NF1: variants seen among roughly 807,000 people sequenced by gnomAD.
NF1 encodes the protein neurofibromin.
In NF1, 122 loss-of-function variants were observed where a neutral mutation model predicts 325.7. That is an observed-to-expected ratio of 0.37 (90% CI 0.32 to 0.44). NF1 has a LOEUF of 0.44. Ranked by LOEUF, NF1 falls within the 20% of genes least tolerant of loss-of-function variation. The probability of loss-of-function intolerance (pLI) is 1.00; values close to 1 mark genes in which losing one functional copy is unlikely to be tolerated. For synonymous variants in NF1, 1,091 were observed against 1,186.0 expected, an observed-to-expected ratio of 0.92 and a Z score of 1.65; for missense variants, 2,140 against 3,415.4, an observed-to-expected ratio of 0.63 and a Z score of 9.31.
rs776079267 is a variant in NF1, at chr17:31,230,915, T to C, written c.3187T>C (p.Cys1063Arg). The C allele has an allele frequency of 1.2e-6, 2 of 1,609,916 alleles. No homozygotes were observed. The highest frequency in any genetic ancestry group is 4.5e-5 in the East Asian group (2 of 44,720). ...SNQAADDDVK[C>R]LTRDLDQASM... The stretch of plus-strand genomic sequence containing the variant: ...CCAAGCAGCAGATGATGATGTAAAA[T>C]GTCTTACAAGGTAAAAAAAGAATGA... Residue 1063 changes from cysteine (C) to arginine (R), a missense_variant, in exon 24 of 58, where the codon TGT becomes CGT. Coordinates refer to ENST00000358273, the MANE Select transcript of NF1 (RefSeq NM_001042492.3).
chr17:31,095,548 T>G (rs1598174396), intron 1 of NF1, 179 bp downstream of exon 1: 8 of 439,386 alleles, frequency 1.8e-5, no homozygotes, highest in Non-Finnish European at 3.3e-5. Context: ...AGGTGAGGGG[T>G]AGGAGGGGAC....
At chr17:31,341,617 G>GTGTGTA (rs35130430) in intron 47 of NF1, among the ~76,000 whole-genome samples, 18,505 of 148,160 alleles carry the variant, frequency 0.12, 1,261 homozygotes, top group African/African-American at 0.16. Flanking sequence ...GTGTGTGTGT[G>GTGTGTA]TGTACACACA....
chr17:31,162,515 C>T (rs2065780668), intron 3 of NF1, among the ~76,000 whole-genome samples: 1 of 152,068 alleles, frequency 6.6e-6, no homozygotes, highest in Non-Finnish European at 1.5e-5. Flanking sequence ...AATAAAAATG[C>T]CTATGAAAGA....
chr17:31,137,842 A>T (rs893715635), intron 1 of NF1: 1 of 151,950 alleles, frequency 6.6e-6, no homozygotes, highest in African/African-American at 2.4e-5. Flanking sequence ...ATATGAAATA[A>T]TTTTTTTTCT....
intron 36 of NF1, among the ~76,000 whole-genome samples, chr17:31,301,099 T>C (rs1409041343): frequency 6.6e-6 from 1 of 152,034 alleles, no homozygotes; most frequent in African/African-American, 2.4e-5. Context: ...ATTTGTCTTT[T>C]GGCTTTATTA....
chr17:31,135,512 G>A (rs907648981), intron 1 of NF1, among the ~76,000 whole-genome samples: 3 of 151,792 alleles, frequency 2.0e-5, no homozygotes, highest in Non-Finnish European at 4.4e-5. Context: ...CATTCATTGT[G>A]ATGACTGACA....
At position 31,223,683 on chromosome 17, in the gene NF1, A is replaced by G. The variant is rs17885914; in HGVS notation, c.1845+116A>G. On this transcript the variant is annotated intron_variant, in intron 16 of 57. Transcript: ENST00000358273. ...CTATTTCAGCTTCTCCTTCCTCCCAATGTTCTCAAAAGGAAATATGTATGC... is the reference window on the plus strand; with the variant it reads ...CTATTTCAGCTTCTCCTTCCTCCCAGTGTTCTCAAAAGGAAATATGTATGC... The G allele has an allele frequency of 4.7e-4, 457 of 979,164 alleles. 2 individuals are homozygous for G. In the African/African-American group the frequency reaches 5.8e-3, roughly 12 times the overall value. The allele number at this position is 979,164 out of a possible 1,614,324, so 60.7% of individuals were successfully genotyped here.
In NF1 at chr17:31,201,061, C is replaced by A. The variant is rs751312173; in HGVS notation, c.1087C>A (p.Pro363Thr). ...GAACCTGCTTTTTAATCCAAGTAAG[C>A]CATTCTCAAGAGGCAGTCAGCCTGC... ...LKNLLFNPSK[P>T]FSRGSQPADV... The change falls in exon 10 of 58, where the codon CCA becomes ACA. Residue 363 changes from proline to threonine, a missense_variant. Coordinates refer to ENST00000358273, the MANE Select transcript of NF1 (RefSeq NM_001042492.3). 1 of 1,613,908 alleles carries A rather than the reference C, an allele frequency of 6.2e-7. No individual in the cohort carries two copies. The highest frequency in any genetic ancestry group is 8.5e-7 in the Non-Finnish European group (1 of 1,179,982).
intron 1 of NF1, among the ~76,000 whole-genome samples, chr17:31,117,347 CT>C (rs1166900145): frequency 6.6e-6 from 1 of 151,698 alleles, no homozygotes; most frequent in Non-Finnish European, 1.5e-5. Context: ...AGCATTTTTC[CT>C]TTTTTCACTG....
intron 36 of NF1, among the ~76,000 whole-genome samples, chr17:31,268,288 C>T (rs1226344357): frequency 6.6e-6 from 1 of 151,950 alleles, no homozygotes; most frequent in Non-Finnish European, 1.5e-5. Context: ...TACTGGCTGC[C>T]CCTATGTCCA....
In NF1 at chr17:31,344,790, A is replaced by G. The variant is rs1597853104; in HGVS notation, c.7189+1655A>G. 2.0e-5 allele frequency among the ~76,000 whole-genome samples: 3 copies of G among 152,250 alleles called. No homozygotes were observed. The East Asian group carries it at 5.8e-4, about 29-fold the overall frequency. On this transcript the variant is annotated intron_variant, in intron 48 of 57. Coordinates refer to ENST00000358273, the MANE Select transcript of NF1 (RefSeq NM_001042492.3). ...TATTCTTTATATCTAAAAGAATACCAGGCTGGGTGCAGCGGCTCATGCCTG... is the reference window on the plus strand; with the variant it reads ...TATTCTTTATATCTAAAAGAATACCGGGCTGGGTGCAGCGGCTCATGCCTG...
At chr17:31,317,498 A>T (rs866359593) in intron 36 of NF1, 1 of 152,224 alleles carries the variant, frequency 6.6e-6, no homozygotes, top group East Asian at 1.9e-4. Context: ...AGTAGTATTT[A>T]TAGAAAAGAT....
At chr17:31,268,878 A>C (rs201357790) in intron 36 of NF1, among the ~76,000 whole-genome samples, 6 of 150,686 alleles carry the variant, frequency 4.0e-5, no homozygotes, top group Non-Finnish European at 8.9e-5. Context: ...TATTATTATT[A>C]TTTTTTTTGT....
At position 31,097,736 on chromosome 17, in the gene NF1, G is replaced by T. The variant is rs185177437; in HGVS notation, c.60+2367G>T. Reference sequence around the variant, plus strand: ...TTTTGAGACAAGGTCTTGCTCTGTCGCCCACGCTGGAGTGCAGTAGCTTGA... The same window carrying T: ...TTTTGAGACAAGGTCTTGCTCTGTCTCCCACGCTGGAGTGCAGTAGCTTGA... On this transcript the variant is annotated intron_variant, in intron 1 of 57. Coordinates refer to ENST00000358273, the MANE Select transcript of NF1 (RefSeq NM_001042492.3). 3.3e-4 allele frequency among the ~76,000 whole-genome samples: 50 copies of T among 151,494 alleles called. 1 individual carries two copies. Among genetic ancestry groups the T allele is most frequent in the Admixed American group, 3.2e-3 (48 of 15,194 alleles).
intron 36 of NF1, among the ~76,000 whole-genome samples, chr17:31,311,902 C>T (rs533230777): frequency 2.6e-5 from 4 of 152,150 alleles, no homozygotes; most frequent in Non-Finnish European, 5.9e-5. Context: ...GGGAATTACA[C>T]GTAAATAACA....
intron 30 of NF1, chr17:31,251,635 A>G (rs564880029): frequency 7.6e-4 from 150 of 198,602 alleles, no homozygotes; most frequent in Middle Eastern, 3.5e-3. Flanking sequence ...ACCCTTTTTC[A>G]GTAAATCTGC....
chr17:31,166,740 A>G (rs2065853201), intron 4 of NF1, among the ~76,000 whole-genome samples: 1 of 151,718 alleles, frequency 6.6e-6, no homozygotes, highest in Middle Eastern at 3.2e-3. Context: ...TTTCTAGTTC[A>G]TGTTTTATGC....
intron 8 of NF1, among the ~76,000 whole-genome samples, chr17:31,192,233 C>T (rs924110196): frequency 1.4e-4 from 21 of 152,162 alleles, no homozygotes; most frequent in Admixed American, 5.9e-4. Context: ...GAACCAAATA[C>T]GAGTGACCAT....
chr17:31,221,707 T>G, intron 14 of NF1, 143 bp from the exon 15 acceptor site: 1 of 656,032 alleles, frequency 1.5e-6, no homozygotes, highest in Non-Finnish European at 2.7e-6. Flanking sequence ...AGTTTCTCTC[T>G]TTTTACCTTT....
Sources: gnomAD v4.1 joint callset for allele counts (sites outside exome capture counted in the v4.1 genomes callset) on GRCh38, gnomAD v4.1.1 for gene constraint, MANE v1.5 for transcripts, NCBI Gene and HGNC (gene_info 2026-07-23, HGNC 2026-07-21) for gene names.